The following GPRC5D variants were observed in gnomAD, a reference collection of about 807,000 sequenced individuals.
GPRC5D encodes G protein-coupled receptor class C group 5 member D, also known as G protein-coupled receptor family C group 5 member D.
Under a neutral mutation model 29.3 loss-of-function variants are expected in GPRC5D, and 20 were observed. The ratio of observed to expected loss-of-function variants is 0.68; its 90% CI spans 0.48 to 0.99. The LOEUF (loss-of-function observed/expected upper bound fraction) is 0.99, where lower values mean the gene tolerates loss of function less well. GPRC5D is among the 50% of genes least tolerant of loss of function. The pLI is 0.00. For missense variants in GPRC5D, 384 were observed against 423.6 expected (o/e 0.91, Z 0.82); for synonymous variants, 178 against 171.3 (o/e 1.04, Z -0.30).
intron 1 of GPRC5D, among the ~76,000 whole-genome samples, chr12:12,942,670 G>A (rs1863183979): frequency 1.3e-5 from 2 of 152,288 alleles, no homozygotes; most frequent in South Asian, 2.1e-4. Context: ...GGGAGGCGGA[G>A]GTTGCAGTGA....
rs1440566888 is a variant in GPRC5D at position 12,946,297 on chromosome 12, TTCC to T, written c.895+3190_895+3192del. Among the ~76,000 whole-genome samples the T allele has an allele frequency of 3.6e-3, 61 of 17,150 alleles. No individual in the cohort carries two copies. The East Asian group carries it at 0.087, about 25-fold the overall frequency. The allele number at this position is 17,150 out of a possible 152,430, so 11.3% of individuals were successfully genotyped here. On this transcript the variant is annotated intron_variant, in intron 1 of 2. Coordinates refer to ENST00000228887, the Ensembl canonical transcript of GPRC5D. Reference sequence around the variant, plus strand: ...CTTCCTTCCTTCCTTCCTTTCTTCCTTCCTTCCTTCCTTTTCTTTCTTTCTTTC... The same window carrying T: ...CTTCCTTCCTTCCTTCCTTTCTTCCTTTCCTTCCTTTTCTTTCTTTCTTTC...
chr12:12,944,859 TTC>T (rs1158359675), intron 1 of GPRC5D, among the ~76,000 whole-genome samples: 2 of 92,296 alleles, frequency 2.2e-5, no homozygotes, highest in African/African-American at 3.9e-5. Context: ...CCTTCTTTCT[TTC>T]TTTCTTTCTT....
chr12:12,942,926 C>T (rs1051803553), intron 1 of GPRC5D, among the ~76,000 whole-genome samples: 3 of 152,144 alleles, frequency 2.0e-5, no homozygotes, highest in Admixed American at 1.3e-4. Context: ...TGGCCTTGGG[C>T]ATCTCACTCT....
chr12:12,949,409 T>C, intron 1 of GPRC5D, 81 bp downstream of exon 2: 1 of 1,226,798 alleles, frequency 8.2e-7, no homozygotes. Flanking sequence ...AGTTTCCTCT[T>C]GGCTCATCCT....
intron 1 of GPRC5D, chr12:12,947,257 A>G (rs1863372036): frequency 6.6e-6 from 1 of 152,178 alleles, no homozygotes; most frequent in Non-Finnish European, 1.5e-5. Flanking sequence ...TTTCCCTACT[A>G]TCAGCTCATG....
intron 1 of GPRC5D, among the ~76,000 whole-genome samples, chr12:12,945,242 T>G (rs550971443): frequency 3.3e-5 from 5 of 152,140 alleles, no homozygotes; most frequent in Admixed American, 2.0e-4. Flanking sequence ...TGACCTCAGG[T>G]GATCCACCCT....
intron 1 of GPRC5D, among the ~76,000 whole-genome samples, 167 bp from the exon 3 acceptor site, chr12:12,942,495 GAGGCCAAGAC>G (rs1863179033): frequency 6.6e-6 from 1 of 152,222 alleles, no homozygotes; most frequent in South Asian, 2.1e-4. Context: ...AGCACTTTGG[GAGGCCAAGAC>G]AGGCGGATCA....
chr12:12,943,725 C>T (rs1220310428), intron 1 of GPRC5D, among the ~76,000 whole-genome samples: 1 of 152,140 alleles, frequency 6.6e-6, no homozygotes, highest in Non-Finnish European at 1.5e-5. Flanking sequence ...AACTTCATTC[C>T]TTGTGTCATA....
exon 1 of GPRC5D, chr12:12,950,099 A>G (rs746209894): frequency 6.2e-7 from 1 of 1,614,170 alleles, no homozygotes; most frequent in Non-Finnish European, 8.5e-7. Context: ...AGAACCCCAA[A>G]GAGAAAGTAG....
chr12:12,942,545 G>T (rs1017827234), intron 1 of GPRC5D, among the ~76,000 whole-genome samples: 3 of 152,148 alleles, frequency 2.0e-5, no homozygotes, highest in African/African-American at 7.2e-5. Context: ...GACTAGCCTG[G>T]CCAACATGGC....
intron 1 of GPRC5D, among the ~76,000 whole-genome samples, chr12:12,945,971 C>T (rs1400747614): frequency 6.6e-6 from 1 of 152,158 alleles, no homozygotes; most frequent in Non-Finnish European, 1.5e-5. Flanking sequence ...CAGTAATACA[C>T]CTGATTGCAT....
intron 1 of GPRC5D, among the ~76,000 whole-genome samples, chr12:12,949,181 A>G (rs1863424281): frequency 6.6e-6 from 1 of 152,178 alleles, no homozygotes. Context: ...CAGTTAACTC[A>G]TTTTATAGTG....
chr12:12,951,091 C>A (rs1264937581), upstream of GPRC5D, among the ~76,000 whole-genome samples: 1 of 152,184 alleles, frequency 6.6e-6, no homozygotes, highest in Non-Finnish European at 1.5e-5. Flanking sequence ...GCCTGGGCGA[C>A]AGAGTGAGAC....
At chr12:12,942,801 T>A (rs1420108677) in intron 1 of GPRC5D, among the ~76,000 whole-genome samples, 1 of 151,876 alleles carries the variant, frequency 6.6e-6, no homozygotes, top group African/African-American at 2.4e-5. Flanking sequence ...TTTAAAGGAG[T>A]GTATTTAAAG....
rs141875913 is a variant in GPRC5D, at chr12:12,949,773, C to A, written c.612G>T (p.Arg204Ser). ...AGAAGAGCACAGTGATAAAGATGAG[C>A]CTTCCATGCTGCTTCCAGTTCTCAC... Residue 204 changes from arginine (R) to serine (S), a missense_variant, in exon 1 of 3, where the codon AGG becomes AGT. Physicochemically the swap from Arg to Ser is moderately radical, Grantham distance 110. Coordinates refer to ENST00000228887, the Ensembl canonical transcript of GPRC5D. 2.5e-6 allele frequency: 4 copies of A among 1,614,024 alleles called. No individual in the cohort carries two copies. The African/African-American group carries it at 4.0e-5, about 16-fold the overall frequency.
chr12:12,943,060 G>A (rs1056018729), intron 1 of GPRC5D, among the ~76,000 whole-genome samples: 1 of 152,202 alleles, frequency 6.6e-6, no homozygotes, highest in African/African-American at 2.4e-5. Context: ...GCCTCCCAAA[G>A]TGCTGGGATT....
At chr12:12,949,931 T>C (rs1342659144) in exon 1 of GPRC5D, 1 of 1,613,946 alleles carries the variant, frequency 6.2e-7, no homozygotes, top group South Asian at 1.1e-5. Flanking sequence ...CCTCTGGTCA[T>C]GATGAGAGTC....
intron 1 of GPRC5D, among the ~76,000 whole-genome samples, chr12:12,944,825 CCTTCCTTCCT>C (rs1422280578): frequency 0.038 from 463 of 12,074 alleles, 71 homozygotes; most frequent in Middle Eastern, 0.11. Flanking sequence ...TTCCTTCCTT[CCTTCCTTCCT>C]TCCTTCCTTC....
chr12:12,952,112 C>T (rs1014005685), upstream of GPRC5D: 3 of 152,224 alleles, frequency 2.0e-5, no homozygotes, highest in Non-Finnish European at 1.5e-5. Flanking sequence ...CTTACCTTCT[C>T]CGTGTCCACT....
Sources: allele counts gnomAD v4.1 joint callset (sites outside exome capture counted in the v4.1 genomes callset), GRCh38; gene constraint gnomAD v4.1.1; transcripts MANE v1.5; gene names NCBI Gene and HGNC (gene_info 2026-07-23, HGNC 2026-07-21).